Variants in RPGRIP1 observed in about 807,000 individuals in gnomAD.
RPGRIP1 encodes X-linked retinitis pigmentosa GTPase regulator-interacting protein 1.
RPGRIP1 carries 128 observed loss-of-function variants against 157.9 expected under a neutral mutation model. The observed-to-expected ratio is 0.81, with a 90% CI of 0.70 to 0.94. RPGRIP1 has a LOEUF of 0.94. Ranked by LOEUF, RPGRIP1 falls within the 40% of genes least tolerant of loss-of-function variation. The probability of loss-of-function intolerance (pLI) is 0.00; values close to 1 mark genes in which losing one functional copy is unlikely to be tolerated. For synonymous variants in RPGRIP1, 554 were observed against 571.6 expected (o/e 0.97, Z 0.44); for missense variants, 1,486 against 1,545.8 (o/e 0.96, Z 0.65).
At chr14:21,326,339 C>T (rs1883103285) in intron 17 of RPGRIP1, among the ~76,000 whole-genome samples, 166 bp downstream of exon 17, 1 of 152,170 alleles carries the variant, frequency 6.6e-6, no homozygotes. Flanking sequence ...CTTAGAGCCT[C>T]ACTACTTGTG....
In RPGRIP1 at chr14:21,328,629, T is replaced by G. The variant is rs1484262677; in HGVS notation, c.3099+2T>G. On this transcript the variant is annotated splice_donor_variant, in intron 19 of 24. Transcript: ENST00000400017. LOFTEE classifies it high-confidence loss of function. Reference sequence around the variant, plus strand: ...ATCTTAAATGGAAATACACCAGAGGTAAGACCTTAAAAACTCTGAAGCACT... The same window carrying G: ...ATCTTAAATGGAAATACACCAGAGGGAAGACCTTAAAAACTCTGAAGCACT... 6.2e-7 allele frequency: 1 copy of G among 1,602,230 alleles called. No homozygotes were observed. Among genetic ancestry groups the G allele is most frequent in the South Asian group, 1.1e-5 (1 of 90,688 alleles).
intron 21 of RPGRIP1, among the ~76,000 whole-genome samples, chr14:21,338,928 CAGG>C (rs756502206): frequency 1.5e-4 from 23 of 151,564 alleles, no homozygotes; most frequent in Non-Finnish European, 3.4e-4. Flanking sequence ...CACCTGAGGT[CAGG>C]AGTTCGAGAC....
chr14:21,333,320 A>T (rs2139281130), intron 20 of RPGRIP1, among the ~76,000 whole-genome samples: 1 of 152,178 alleles, frequency 6.6e-6, no homozygotes. Context: ...ACATATGTAG[A>T]CAAAGCCTTG....
At chr14:21,332,598 C>A (rs776123882) in intron 20 of RPGRIP1, among the ~76,000 whole-genome samples, 5 of 152,124 alleles carry the variant, frequency 3.3e-5, no homozygotes, top group Admixed American at 6.5e-5. Context: ...CTCCATACTC[C>A]CAATTTACAT....
At chr14:21,337,753 A>AC (rs1284769965) in intron 21 of RPGRIP1, among the ~76,000 whole-genome samples, 1 of 98,296 alleles carries the variant, frequency 1.0e-5, no homozygotes, top group African/African-American at 4.3e-5. Context: ...TAGGTTAAGC[A>AC]TTTTTTTTTT....
At chr14:21,285,296 G>C (rs757177741) in intron 1 of RPGRIP1, among the ~76,000 whole-genome samples, 1 of 151,772 alleles carries the variant, frequency 6.6e-6, no homozygotes, top group Non-Finnish European at 1.5e-5. Flanking sequence ...GGATCAGATG[G>C]AGTCAGCCAA....
intron 17 of RPGRIP1, 52 bp downstream of exon 17, chr14:21,326,225 C>T: frequency 2.5e-6 from 3 of 1,217,444 alleles, no homozygotes; most frequent in Non-Finnish European, 3.5e-6. Flanking sequence ...GTGTTGTCTC[C>T]CTGTCCTGAT....
chr14:21,301,227 A>G lies in RPGRIP1; in HGVS notation c.480A>G (p.Lys160=), dbSNP rs1379874071. The G allele has an allele frequency of 1.3e-6, 2 of 1,587,910 alleles. No homozygotes were observed. The highest frequency in any genetic ancestry group is 1.7e-6 in the Non-Finnish European group (2 of 1,168,202). ...CAGCCGGTGCACCGGTGCCGGAGAA[A>G]CCCAAGAGGGGTGAGATTTAAGGCT... is the stretch of plus-strand genomic sequence containing the variant. ...LHTAGAPVPE[K]PKRGPRDRLS... The change falls in exon 4 of 25, where the codon AAA becomes AAG. Residue 160 remains lysine, a synonymous_variant. Coordinates refer to ENST00000400017, the MANE Select transcript of RPGRIP1 (RefSeq NM_020366.4).
intron 8 of RPGRIP1, 157 bp from the exon 9 acceptor site, chr14:21,311,667 T>G (rs1881546521): frequency 2.1e-6 from 1 of 487,178 alleles, no homozygotes; most frequent in Non-Finnish European, 3.5e-6. Context: ...AATGCTAGGG[T>G]GAAAAACAAG....
chr14:21,286,995 C>G (rs980139700), intron 1 of RPGRIP1, among the ~76,000 whole-genome samples: 1 of 149,164 alleles, frequency 6.7e-6, no homozygotes, highest in African/African-American at 2.5e-5. Flanking sequence ...TGTACTCCAG[C>G]CTGGGGGACA....
chr14:21,302,865 GTTTTT>G, intron 5 of RPGRIP1: 4 of 86,922 alleles, frequency 4.6e-5, no homozygotes, highest in Non-Finnish European at 8.4e-5. Context: ...CCTTTGTTGT[GTTTTT>G]TTTTTTTTTT....
chr14:21,283,405 C>T (rs1354463071), intron 1 of RPGRIP1, among the ~76,000 whole-genome samples: 1 of 151,676 alleles, frequency 6.6e-6, no homozygotes, highest in Non-Finnish European at 1.5e-5. Flanking sequence ...TGTGCTCAAG[C>T]GATTCTCCTG....
Position 21,320,153 on chromosome 14 carries a change from A to G in RPGRIP1, c.1443A>G (p.Val481=). Residue 481 remains valine (V), a synonymous_variant, in exon 12 of 25, where the codon GTA becomes GTG. Transcript: ENST00000400017. ...CTGAACCAGCCACTCACCCAGCTGT[A>G]TTGCAAGAGAACACTCAGATCGAGG... The part of the protein sequence containing the change: ...RQSEPATHPA[V]LQENTQIEPS... 2 of 1,613,932 alleles carry G rather than the reference A, an allele frequency of 1.2e-6. No homozygotes were observed. The highest frequency in any genetic ancestry group is 1.7e-6 in the Non-Finnish European group (2 of 1,179,854).
At chr14:21,291,683 G>A (rs192180953) in intron 2 of RPGRIP1, among the ~76,000 whole-genome samples, 232 of 151,940 alleles carry the variant, frequency 1.5e-3, no homozygotes, top group African/African-American at 5.2e-3. Context: ...CAAGGCTCAA[G>A]CGATCCTCCA....
At position 21,301,067 on chromosome 14, in the gene RPGRIP1, CG is replaced by C; in HGVS notation, c.323del (p.Gly108AspfsTer62). On this transcript the variant is annotated frameshift_variant, in exon 4 of 25. Coordinates refer to ENST00000400017, the MANE Select transcript of RPGRIP1 (RefSeq NM_020366.4). LOFTEE classifies it high-confidence loss of function. ...GAGACCGCAAGGCGCGGGCAGAAGG[CG>C]GGATGGCGGCAGCGCCTCTCCATGC... ...LSETARRGQK[A>X]GWRQRLSMHQ... The C allele has an allele frequency of 6.2e-7, 1 of 1,612,656 alleles. No individual in the cohort carries two copies. Among genetic ancestry groups the C allele is most frequent in the South Asian group, 1.1e-5 (1 of 91,040 alleles).
intron 8 of RPGRIP1, among the ~76,000 whole-genome samples, chr14:21,311,154 ACGTAGTCAT>A (rs1483893509): frequency 6.6e-6 from 1 of 152,194 alleles, no homozygotes; most frequent in Non-Finnish European, 1.5e-5. Context: ...CTAGGTACAA[ACGTAGTCAT>A]CATAAAAAAG....
chr14:21,304,701 A>G (rs1210983700), intron 6 of RPGRIP1, among the ~76,000 whole-genome samples: 2 of 152,190 alleles, frequency 1.3e-5, no homozygotes, highest in Non-Finnish European at 2.9e-5. Flanking sequence ...ACCCCGTACC[A>G]GAGTGGTGCA....
chr14:21,319,924 C>A, intron 11 of RPGRIP1, 93 bp from the exon 12 acceptor site: 2 of 1,175,720 alleles, frequency 1.7e-6, no homozygotes, highest in Non-Finnish European at 2.4e-6. Flanking sequence ...TTAATTAAAC[C>A]TTAGTGGGAA....
intron 23 of RPGRIP1, among the ~76,000 whole-genome samples, chr14:21,345,656 C>T (rs550114794): frequency 9.2e-5 from 14 of 152,256 alleles, no homozygotes; most frequent in Middle Eastern, 3.4e-3. Context: ...CTGCCCTCCT[C>T]GGCCTCCCAG....
Sources: allele counts gnomAD v4.1 joint callset (sites outside exome capture counted in the v4.1 genomes callset), GRCh38; gene constraint gnomAD v4.1.1; transcripts MANE v1.5; gene names NCBI Gene and HGNC (gene_info 2026-07-23, HGNC 2026-07-21).